SYMPK: variants seen among roughly 807,000 people sequenced by gnomAD.
The protein encoded by SYMPK is symplekin.
A neutral mutation model predicts 136.4 loss-of-function variants in SYMPK; 49 were observed. The ratio of observed to expected loss-of-function variants is 0.36; its 90% CI spans 0.29 to 0.46. The LOEUF (loss-of-function observed/expected upper bound fraction) is 0.46. Ranked by LOEUF, SYMPK falls within the 20% of genes least tolerant of loss-of-function variation. The pLI is 1.00. For missense variants in SYMPK, 1,365 were observed against 1,690.0 expected, an observed-to-expected ratio of 0.81 and a Z score of 3.37; for synonymous variants, 766 against 713.0, an observed-to-expected ratio of 1.07 and a Z score of -1.19.
At chr19:45,841,689 C>A (rs1345786172) in intron 9 of SYMPK, among the ~76,000 whole-genome samples, 1 of 152,080 alleles carries the variant, frequency 6.6e-6, no homozygotes, top group Non-Finnish European at 1.5e-5. Flanking sequence ...TAAGAAAAGC[C>A]ATAGTTGACA....
chr19:45,846,616 A>G (rs1334746332), intron 7 of SYMPK, among the ~76,000 whole-genome samples: 1 of 152,186 alleles, frequency 6.6e-6, no homozygotes, highest in Non-Finnish European at 1.5e-5. Flanking sequence ...TTTTGCAAAC[A>G]GAAAAGCAAA....
intron 19 of SYMPK, 40 bp from the exon 20 acceptor site, chr19:45,823,512 G>C: frequency 6.3e-7 from 1 of 1,590,558 alleles, no homozygotes; most frequent in East Asian, 2.2e-5. Flanking sequence ...TGGAGGCGGA[G>C]GGGAGCGTGG....
rs374158190 is a variant in SYMPK, at chr19:45,816,808, G to T, written c.3248C>A (p.Thr1083Asn). Reference sequence around the variant, plus strand: ...GGGGGGAAGGGGTACCTGGTGGGGGGTGAAGGAGCGGACATGGGCCAGCAG... The same window carrying T: ...GGGGGGAAGGGGTACCTGGTGGGGGTTGAAGGAGCGGACATGGGCCAGCAG... ...EPLLAHVRSF[T>N]PHQQAHIPNS... Residue 1083 changes from threonine to asparagine, a missense_variant, in exon 24 of 27, where the codon ACC becomes AAC. Coordinates refer to ENST00000245934, the MANE Select transcript of SYMPK (RefSeq NM_004819.3). 6.5e-7 allele frequency: 1 copy of T among 1,536,052 alleles called. No individual in the cohort carries two copies. The highest frequency in any genetic ancestry group is 2.5e-5 in the East Asian group (1 of 40,780).
At chr19:45,823,575 G>A (rs1970961130) in intron 19 of SYMPK, 103 bp from the exon 20 acceptor site, 1 of 1,146,722 alleles carries the variant, frequency 8.7e-7, no homozygotes. Context: ...GGAAGGGATG[G>A]CAACTTCACC....
rs1568604553 is a variant in SYMPK, at chr19:45,816,010, C to T, written c.3528G>A (p.Pro1176=). 2 of 1,598,830 alleles carry T rather than the reference C, an allele frequency of 1.3e-6. No homozygotes were observed. The highest frequency in any genetic ancestry group is 1.7e-5 in the Admixed American group (1 of 58,000). The change falls in exon 26 of 27, where the codon CCG becomes CCA. Residue 1176 remains proline (P), a synonymous_variant. Coordinates refer to ENST00000245934, the MANE Select transcript of SYMPK (RefSeq NM_004819.3). ...APSSSSPSPS[P]SARPGPPPSE... is the part of the protein sequence containing the mutation. ...ACGGGGGCGGGCCTGGCCGGGCCGA[C>T]GGAGAGGGAGAGGGGGAGGAAGAGG...
rs777113320 is a variant in SYMPK at position 45,838,572 on chromosome 19, T to C, written c.1131A>G (p.Pro377=). The change falls in exon 10 of 27, where the codon CCA becomes CCG. Residue 377 remains proline (P), a synonymous_variant. Transcript: ENST00000245934. The part of the protein sequence containing the change: ...GEDDEDKDLE[P]GPSGTSKASA... The stretch of plus-strand genomic sequence containing the variant: ...AGGCCTTCGAGGTCCCCGACGGGCC[T>C]GGCTCCAAGTCTTTGTCCTCATCGT... 1.2e-6 allele frequency: 2 copies of C among 1,614,094 alleles called. No individual in the cohort carries two copies. Among genetic ancestry groups the C allele is most frequent in the East Asian group, 2.2e-5 (1 of 44,892 alleles).
chr19:45,837,340 G>C (rs1404099118), intron 10 of SYMPK, among the ~76,000 whole-genome samples: 1 of 152,086 alleles, frequency 6.6e-6, no homozygotes. Flanking sequence ...TAGAATGGCC[G>C]GGCATGGTGG....
intron 12 of SYMPK, chr19:45,830,841 A>G (rs976718832): frequency 6.6e-6 from 1 of 152,162 alleles, no homozygotes; most frequent in African/African-American, 2.4e-5. Context: ...GTGAGCTGAG[A>G]TCGCGCCACT....
In SYMPK at chr19:45,825,321, T is replaced by C. The variant is rs764395185; in HGVS notation, c.2340A>G (p.Ala780=). 11 of 1,613,622 alleles carry C rather than the reference T, an allele frequency of 6.8e-6. No individual in the cohort carries two copies. Among genetic ancestry groups the C allele is most frequent in the Non-Finnish European group, 8.5e-6 (10 of 1,179,830 alleles). Residue 780 remains alanine (A), a synonymous_variant, in exon 18 of 27, where the codon GCA becomes GCG. Coordinates refer to ENST00000245934, the MANE Select transcript of SYMPK (RefSeq NM_004819.3). ...FGADKDTEVA[A]PWTEETVKQC... ...GCTTCACTGTCTCCTCCGTCCAGGGTGCTGCCACCTCTGACAGGGCAGGAG... is the reference window on the plus strand; with the variant it reads ...GCTTCACTGTCTCCTCCGTCCAGGGCGCTGCCACCTCTGACAGGGCAGGAG...
In SYMPK at chr19:45,847,900, A is replaced by G; in HGVS notation, c.528T>C (p.Asn176=). The G allele has an allele frequency of 6.2e-7, 1 of 1,613,990 alleles. No homozygotes were observed. Among genetic ancestry groups the G allele is most frequent in the Non-Finnish European group, 8.5e-7 (1 of 1,179,970 alleles). The part of the protein sequence containing the change: ...GDIILLLDSD[N]DGIRTHAIKF... ...TGATGGCGTGGGTGCGGATGCCGTCATTGTCAGAGTCCAATAGCAGGATGA... is the reference window on the plus strand; with the variant it reads ...TGATGGCGTGGGTGCGGATGCCGTCGTTGTCAGAGTCCAATAGCAGGATGA... Residue 176 remains asparagine (N), a synonymous_variant, in exon 7 of 27, where the codon AAT becomes AAC. Transcript: ENST00000245934.
chr19:45,860,502 GAA>G (rs1179880400), intron 1 of SYMPK, among the ~76,000 whole-genome samples: 3 of 151,156 alleles, frequency 2.0e-5, no homozygotes, highest in South Asian at 2.1e-4. Flanking sequence ...CACAGAGAGA[GAA>G]AGAGAAAGAG....
intron 19 of SYMPK, 86 bp downstream of exon 19, chr19:45,823,681 G>A: frequency 8.1e-7 from 1 of 1,241,530 alleles, no homozygotes; most frequent in Admixed American, 1.9e-5. Context: ...CGACCATCTG[G>A]GGACCCAGCA....
intron 1 of SYMPK, among the ~76,000 whole-genome samples, chr19:45,857,402 T>A (rs1971847763): frequency 2.3e-5 from 2 of 87,204 alleles, no homozygotes; most frequent in South Asian, 8.5e-4. Context: ...AGAGTGAGAC[T>A]CTGTCTCAAA....
chr19:45,830,361 G>C (rs979805378), intron 12 of SYMPK, 157 bp from the exon 13 acceptor site: 3 of 857,264 alleles, frequency 3.5e-6, no homozygotes, highest in Non-Finnish European at 5.3e-6. Context: ...GCACGGTGTG[G>C]CGGTGGGTAA....
At chr19:45,847,678 G>GA in intron 7 of SYMPK, 74 bp downstream of exon 7, 2 of 1,534,592 alleles carry the variant, frequency 1.3e-6, no homozygotes, top group Non-Finnish European at 1.8e-6. Context: ...AGACAAGGGG[G>GA]AGAGAGGGAG....
At chr19:45,859,443 CA>C (rs1359412740) in intron 1 of SYMPK, among the ~76,000 whole-genome samples, 1 of 150,838 alleles carries the variant, frequency 6.6e-6, no homozygotes, top group Admixed American at 6.6e-5. Context: ...GCTAAAAATA[CA>C]AAAAAATTAC....
chr19:45,856,344 A>T (rs1971821596), intron 1 of SYMPK, among the ~76,000 whole-genome samples: 1 of 152,126 alleles, frequency 6.6e-6, no homozygotes, highest in Non-Finnish European at 1.5e-5. Context: ...CATCTCAAAA[A>T]AAAAAGGTGA....
chr19:45,825,427 AG>A (rs2146307519), intron 17 of SYMPK, 96 bp from the exon 18 acceptor site: 1 of 1,424,822 alleles, frequency 7.0e-7, no homozygotes, highest in Non-Finnish European at 9.4e-7. Context: ...GGAGCCGGGG[AG>A]GGCAGAGAAG....
intron 9 of SYMPK, among the ~76,000 whole-genome samples, chr19:45,840,492 C>T (rs923780751): frequency 1.3e-5 from 2 of 151,780 alleles, no homozygotes; most frequent in African/African-American, 2.4e-5. Flanking sequence ...GGTGAAGCCC[C>T]GTCTCTACTA....
Sources: gnomAD v4.1 joint callset for allele counts (sites outside exome capture counted in the v4.1 genomes callset) on GRCh38, gnomAD v4.1.1 for gene constraint, MANE v1.5 for transcripts, NCBI Gene and HGNC (gene_info 2026-07-23, HGNC 2026-07-21) for gene names.